The following LRRC75B variants were observed in gnomAD, a reference collection of about 807,000 sequenced individuals.
LRRC75B encodes leucine-rich repeat-containing protein 75B.
A neutral mutation model predicts 16.5 loss-of-function variants in LRRC75B; 20 were observed. The observed-to-expected ratio is 1.21, with a 90% CI of 0.85 to 1.76. The LOEUF (loss-of-function observed/expected upper bound fraction) is 1.76. Ranked by LOEUF, LRRC75B falls within the 40% of genes most tolerant of loss-of-function variation. The pLI is 0.00. For missense variants in LRRC75B, 406 were observed against 417.0 expected, an observed-to-expected ratio of 0.97 and a Z score of 0.23; for synonymous variants, 199 against 198.1, an observed-to-expected ratio of 1.00 and a Z score of -0.04.
chr22:24,591,165 C>T (rs576591403), intron 1 of LRRC75B, among the ~76,000 whole-genome samples: 7 of 152,344 alleles, frequency 4.6e-5, no homozygotes, highest in East Asian at 3.9e-4. Context: ...CCGCAACCTC[C>T]GCCTCCCGGG....
Position 24,586,186 on chromosome 22 carries a change from G to T in LRRC75B, c.648C>A (p.Asn216Lys), listed in dbSNP as rs200740419. ...ALPRLTQLLLNGNRLTRATAR... is the reference protein window; with the variant it reads ...ALPRLTQLLLKGNRLTRATAR... ...CAGTGGCCCGCGTCAGTCGGTTGCC[G>T]TTGAGCAGGAGCTGGGTGAGGCGGG... Residue 216 changes from asparagine (N) to lysine (K), a missense_variant, in exon 4 of 4, where the codon AAC (asparagine) becomes AAA (lysine). Physicochemically the swap from Asn to Lys is moderately conservative, Grantham distance 94. Transcript: ENST00000318753. 156 of 1,613,642 alleles carry T rather than the reference G, an allele frequency of 9.7e-5. 1 individual carries two copies. The highest frequency in any genetic ancestry group is 1.3e-4 in the Non-Finnish European group (153 of 1,180,016).
chr22:24,592,114 G>C (rs1362225803), intron 1 of LRRC75B: 1 of 367,618 alleles, frequency 2.7e-6, no homozygotes, highest in Non-Finnish European at 5.4e-6. Context: ...GGTAGCTGCT[G>C]TAGGGGGTGG....
At position 24,592,987 on chromosome 22, in the gene LRRC75B, C is replaced by T; in HGVS notation, c.53G>A (p.Gly18Glu). ...CGCGGGCCCGCAGCCGGCCGCCGCC[C>T]CGGCCTCAGAGCCAGCCTCGGGCCC... ...RAGPEAGSEA[G>E]AAAGCGPAPY... The change falls in exon 1 of 4, where the codon GGG becomes GAG. Residue 18 changes from glycine (G) to glutamate (E), a missense_variant. Gly to Glu is a moderately conservative substitution (Grantham distance 98). Transcript: ENST00000318753. 8.6e-7 allele frequency: 1 copy of T among 1,158,140 alleles called. No homozygotes were observed. The highest frequency in any genetic ancestry group is 1.1e-6 in the Non-Finnish European group (1 of 940,938). 71.7% of individuals were successfully genotyped at this position (1,158,140 alleles called of 1,614,324 possible).
chr22:24,586,275 G>A lies in LRRC75B; in HGVS notation c.559C>T (p.Leu187=). 1 of 1,613,894 alleles carries A rather than the reference G, an allele frequency of 6.2e-7. No homozygotes were observed. Among genetic ancestry groups the A allele is most frequent in the Non-Finnish European group, 8.5e-7 (1 of 1,180,048 alleles). The change falls in exon 4 of 4, where the codon CTG becomes TTG. Residue 187 remains leucine (L), a synonymous_variant. Coordinates refer to ENST00000318753, the MANE Select transcript of LRRC75B (RefSeq NM_207644.3). ...TCATCACTCAGCCCCGTGAAGCTCA[G>A]GTCCAGCACCGCCAGCACAGCACCA... ...SHGAVLAVLD[L]SFTGLSDELL... is the part of the protein sequence containing the mutation.
chr22:24,591,992 C>A (rs2045581351), intron 1 of LRRC75B, among the ~76,000 whole-genome samples: 1 of 152,226 alleles, frequency 6.6e-6, no homozygotes, highest in Non-Finnish European at 1.5e-5. Context: ...TCTGTGGGCC[C>A]TGGGGTGACC....
rs1569034324 is a variant in LRRC75B at position 24,586,088 on chromosome 22, T to C, written c.746A>G (p.Asn249Ser). The C allele has an allele frequency of 6.2e-7, 1 of 1,612,596 alleles. No individual in the cohort carries two copies. The highest frequency in any genetic ancestry group is 2.2e-5 in the East Asian group (1 of 44,842). Residue 249 changes from asparagine to serine, a missense_variant, in exon 4 of 4, where the codon AAC (asparagine) becomes AGC (serine). Physicochemically the swap from Asn to Ser is conservative, Grantham distance 46 (BLOSUM62 1). Transcript: ENST00000318753. ...PALAWVDLGN[N>S]VDVASLPQPL... is the part of the protein sequence containing the mutation. ...CTGGGGCAGGGAAGCCACATCCACG[T>C]TGTTGCCCAGGTCCACCCAAGCCAA...
intron 1 of LRRC75B, among the ~76,000 whole-genome samples, chr22:24,590,653 C>T (rs2045543224): frequency 6.6e-6 from 1 of 152,196 alleles, no homozygotes; most frequent in South Asian, 2.1e-4. Context: ...TTCAGATCCT[C>T]TGCCTTCCCA....
intron 3 of LRRC75B, among the ~76,000 whole-genome samples, chr22:24,587,437 C>G (rs1431522334): frequency 6.6e-6 from 1 of 152,164 alleles, no homozygotes; most frequent in African/African-American, 2.4e-5. Context: ...GTGAGCACAC[C>G]CTCAGGACCC....
chr22:24,592,510 A>G, intron 1 of LRRC75B: 1 of 440,406 alleles, frequency 2.3e-6, no homozygotes, highest in Non-Finnish European at 4.7e-6. Context: ...GGCCCCTCCC[A>G]TCTTGCCAGG....
At chr22:24,589,042 C>T (rs765414279) in intron 2 of LRRC75B, 463 of 1,022,498 alleles carry the variant, frequency 4.5e-4, no homozygotes, top group Non-Finnish European at 5.3e-4. Context: ...CCTGGCTGTT[C>T]CTGTGATGGC....
rs1309345175 is a variant in LRRC75B, at chr22:24,592,778, A to G, written c.177+85T>C. 153 of 1,266,808 alleles carry G rather than the reference A, an allele frequency of 1.2e-4. No individual in the cohort carries two copies. In the South Asian group the frequency reaches 1.7e-3, roughly 14 times the overall value. 78.5% of individuals were successfully genotyped at this position (1,266,808 alleles called of 1,614,324 possible). On this transcript the variant is annotated intron_variant, in intron 1 of 3. Coordinates refer to ENST00000318753, the MANE Select transcript of LRRC75B (RefSeq NM_207644.3). ...GCCTCCCGGCGGATACAGGCCCACAACCCATAGCCCCGCGCCTCCCAGACC... is the reference window on the plus strand; with the variant it reads ...GCCTCCCGGCGGATACAGGCCCACAGCCCATAGCCCCGCGCCTCCCAGACC...
At chr22:24,592,444 C>A (rs1268342349) in intron 1 of LRRC75B, 6 of 470,024 alleles carry the variant, frequency 1.3e-5, no homozygotes, top group Non-Finnish European at 2.6e-5. Context: ...GGGAAGTTAC[C>A]CTCTTCCATT....
At chr22:24,587,413 G>C (rs2045427889) in intron 3 of LRRC75B, among the ~76,000 whole-genome samples, 1 of 152,192 alleles carries the variant, frequency 6.6e-6, no homozygotes, top group Non-Finnish European at 1.5e-5. Context: ...AGGCCTTTTG[G>C]GGGACTGACA....
chr22:24,590,371 A>T (rs1408503399), intron 1 of LRRC75B, among the ~76,000 whole-genome samples: 2 of 152,092 alleles, frequency 1.3e-5, no homozygotes, highest in Non-Finnish European at 2.9e-5. Context: ...GGCTCAAGCG[A>T]TCCTCCCAAA....
Position 24,588,291 on chromosome 22 carries a change from T to A in LRRC75B, c.345A>T (p.Arg115=). 1 of 1,613,592 alleles carries A rather than the reference T, an allele frequency of 6.2e-7. No individual in the cohort carries two copies. The highest frequency in any genetic ancestry group is 8.5e-7 in the Non-Finnish European group (1 of 1,179,920). Residue 115 remains arginine, a synonymous_variant, in exon 3 of 4, where the codon CGA becomes CGT. Coordinates refer to ENST00000318753, the MANE Select transcript of LRRC75B (RefSeq NM_207644.3). The stretch of plus-strand genomic sequence containing the variant: ...GAGGGGTGAGGTGGTAGATGAGCTG[T>A]CGGCAGATCTTGTCCGAGGACTTCC... ...ELWKSSDKIC[R]QLIYHLTPHS...
chr22:24,586,724 T>C (rs935311057), intron 3 of LRRC75B, among the ~76,000 whole-genome samples: 1 of 151,616 alleles, frequency 6.6e-6, no homozygotes, highest in Non-Finnish European at 1.5e-5. Flanking sequence ...AGAGGCGGGG[T>C]TTCTCCATCT....
At chr22:24,586,501 C>T in intron 3 of LRRC75B, 90 bp from the exon 4 acceptor site, 1 of 1,351,918 alleles carries the variant, frequency 7.4e-7, no homozygotes, top group South Asian at 1.4e-5. Flanking sequence ...ACAGCCCAGG[C>T]CTACAGTCTG....
chr22:24,586,174 C>T lies in LRRC75B; in HGVS notation c.660G>A (p.Leu220=), dbSNP rs185762510. The change falls in exon 4 of 4, where the codon CTG becomes CTA. Residue 220 remains leucine (L), a synonymous_variant. Transcript: ENST00000318753. ...TGAGCTTGCGGGCAGTGGCCCGCGTCAGTCGGTTGCCGTTGAGCAGGAGCT... is the reference window on the plus strand; with the variant it reads ...TGAGCTTGCGGGCAGTGGCCCGCGTTAGTCGGTTGCCGTTGAGCAGGAGCT... The part of the protein sequence containing the change: ...LTQLLLNGNR[L]TRATARKLTD... 3.7e-6 allele frequency: 6 copies of T among 1,613,684 alleles called. No homozygotes were observed. In the Admixed American group the frequency reaches 1.0e-4, roughly 27 times the overall value.
chr22:24,589,631 C>T, intron 2 of LRRC75B, 190 bp downstream of exon 2: 3 of 678,140 alleles, frequency 4.4e-6, no homozygotes, highest in East Asian at 3.1e-5. Flanking sequence ...GCACAGCTCA[C>T]ACTTGCTCTA....
Sources: allele counts gnomAD v4.1 joint callset (sites outside exome capture counted in the v4.1 genomes callset), GRCh38; gene constraint gnomAD v4.1.1; transcripts MANE v1.5; gene names NCBI Gene and HGNC (gene_info 2026-07-23, HGNC 2026-07-21).